Variants in EYA3 observed in about 807,000 individuals in gnomAD.
The protein encoded by EYA3 is EYA transcriptional coactivator and phosphatase 3, also known as protein phosphatase EYA3.
EYA3 carries 39 observed loss-of-function variants against 80.0 expected under a neutral mutation model. The observed-to-expected ratio is 0.49, with a 90% CI of 0.38 to 0.64. The LOEUF (loss-of-function observed/expected upper bound fraction) is 0.64, where lower values mean the gene tolerates loss of function less well. Among genes scored for constraint, EYA3 ranks in the 30% least tolerant of loss-of-function variants. The pLI is 0.00. For missense variants in EYA3, 523 were observed against 676.1 expected, an observed-to-expected ratio of 0.77 and a Z score of 2.51; for synonymous variants, 206 against 232.8, an observed-to-expected ratio of 0.88 and a Z score of 1.05.
intron 1 of EYA3, among the ~76,000 whole-genome samples, chr1:28,067,571 C>G (rs1386687717): frequency 1.3e-5 from 2 of 152,088 alleles, no homozygotes; most frequent in African/African-American, 4.8e-5. Flanking sequence ...GAGGGAAAAG[C>G]ATTTCAAATC....
intron 5 of EYA3, among the ~76,000 whole-genome samples, chr1:28,038,439 T>TAAAAAAAAAAAAAAAAAAA (rs74525723): frequency 7.3e-5 from 5 of 68,502 alleles, no homozygotes; most frequent in African/African-American, 2.3e-4. Context: ...GATTCTATCT[T>TAAAAAAAAAAAAAAAAAAA]AAAAAAAAAA....
chr1:28,061,622 T>C lies in EYA3; in HGVS notation c.-68-3528A>G, dbSNP rs180879931. On this transcript the variant is annotated intron_variant, in intron 1 of 17. Coordinates refer to ENST00000373871, the MANE Select transcript of EYA3 (RefSeq NM_001990.4). ...TTTTTTTGTCTTTTGTTTTTTGAGA[T>C]GGAGTCTCGCTCTGTCGCCCAGGCT... 1.6e-3 allele frequency among the ~76,000 whole-genome samples: 245 copies of C among 151,826 alleles called. 1 individual carries two copies. The highest frequency in any genetic ancestry group is 5.7e-3 in the African/African-American group (235 of 41,436).
intron 16 of EYA3, 114 bp from the exon 17 acceptor site, chr1:27,978,588 C>A: frequency 2.6e-6 from 2 of 764,476 alleles, no homozygotes; most frequent in East Asian, 5.2e-5. Flanking sequence ...AGTGACAGCC[C>A]ATGTAGTTTG....
intron 1 of EYA3, among the ~76,000 whole-genome samples, chr1:28,074,275 G>A (rs536682898): frequency 6.6e-6 from 1 of 152,140 alleles, no homozygotes; most frequent in East Asian, 1.9e-4. Context: ...TTAAACACTA[G>A]AGGTAGAACT....
At position 28,009,097 on chromosome 1, in the gene EYA3, G is replaced by A. The variant is rs1162094681; in HGVS notation, c.909+1850C>T. 6.6e-6 allele frequency among the ~76,000 whole-genome samples: 1 copy of A among 152,142 alleles called. No homozygotes were observed. Among genetic ancestry groups the A allele is most frequent in the East Asian group, 1.9e-4 (1 of 5,200 alleles). On this transcript the variant is annotated intron_variant, in intron 10 of 17. Transcript: ENST00000373871. This position sits in a 1 kb window ranked among gnomAD's most constrained non-coding sequence, Gnocchi z 4.8. ...AAATAGTTTGGTGGTTTCTCAAAAA[G>A]TGGAGCACAGAATTACAATAGCATC... is the stretch of plus-strand genomic sequence containing the variant.
In EYA3 at chr1:28,002,399, C is replaced by T. The variant is rs1042569598; in HGVS notation, c.993+1937G>A. Among the ~76,000 whole-genome samples, 5 of 151,460 alleles carry T rather than the reference C, an allele frequency of 3.3e-5. No homozygotes were observed. In the South Asian group the frequency reaches 8.3e-4, roughly 25 times the overall value. On this transcript the variant is annotated intron_variant, in intron 11 of 17. Coordinates refer to ENST00000373871, the MANE Select transcript of EYA3 (RefSeq NM_001990.4). ...TTGGGATTACAGATGAGAGCCACCA[C>T]GCCTGGTCTTATTTTATAAATATAT...
At chr1:27,999,726 A>G (rs1326040483) in intron 12 of EYA3, among the ~76,000 whole-genome samples, 3 of 152,132 alleles carry the variant, frequency 2.0e-5, no homozygotes, top group African/African-American at 4.8e-5. Context: ...CTCCAAATAA[A>G]CTAACAAAAA....
At chr1:28,061,984 A>T (rs983439394) in intron 1 of EYA3, among the ~76,000 whole-genome samples, 1 of 152,210 alleles carries the variant, frequency 6.6e-6, no homozygotes, top group Non-Finnish European at 1.5e-5. Context: ...ATCTTTTAAA[A>T]TATCAAGTAA....
chr1:27,985,261 AC>A (rs147778196), intron 16 of EYA3, among the ~76,000 whole-genome samples: 50,190 of 149,188 alleles, frequency 0.34, 9,085 homozygotes, highest in South Asian at 0.45. Context: ...AACAAAAAAA[AC>A]AAAAACAAAA....
intron 12 of EYA3, among the ~76,000 whole-genome samples, chr1:27,999,607 T>A (rs1017457273): frequency 1.3e-5 from 2 of 152,094 alleles, no homozygotes; most frequent in African/African-American, 4.8e-5. Flanking sequence ...GTACAAATAA[T>A]CAAACTCACT....
intron 3 of EYA3, among the ~76,000 whole-genome samples, chr1:28,044,245 G>A (rs755476691): frequency 2.6e-5 from 4 of 152,156 alleles, no homozygotes; most frequent in Non-Finnish European, 5.9e-5. Context: ...TGATTCTAGA[G>A]TCAGAGGCTG....
intron 4 of EYA3, among the ~76,000 whole-genome samples, chr1:28,039,477 C>T (rs6674937): frequency 0.24 from 35,834 of 152,108 alleles, 4,337 homozygotes; most frequent in Non-Finnish European, 0.27. Context: ...TGGCAAATCA[C>T]AGACAGACGT....
chr1:28,078,757 T>C (rs1645315051), intron 1 of EYA3, among the ~76,000 whole-genome samples: 1 of 152,150 alleles, frequency 6.6e-6, no homozygotes, highest in Non-Finnish European at 1.5e-5. Flanking sequence ...AAATAGAAGC[T>C]ATTTGTTATT....
intron 11 of EYA3, among the ~76,000 whole-genome samples, chr1:28,001,441 A>G (rs550541677): frequency 6.7e-6 from 1 of 150,118 alleles, no homozygotes; most frequent in African/African-American, 2.5e-5. Flanking sequence ...TATTATGTGT[A>G]TATGTAAATA....
chr1:28,073,035 G>A (rs1645068161), intron 1 of EYA3, among the ~76,000 whole-genome samples: 1 of 142,140 alleles, frequency 7.0e-6, no homozygotes, highest in African/African-American at 2.6e-5. Flanking sequence ...GGTTGCCAGT[G>A]TTGGGGATGG....
Position 28,084,579 on chromosome 1 carries a change from ATATATATATATATATATTTTTTTTTTTTT to A in EYA3, c.-69+3916_-69+3944del, listed in dbSNP as rs1219773163. Among the ~76,000 whole-genome samples, 20 of 12,998 alleles carry A rather than the reference ATATATATATATATATATTTTTTTTTTTTT, an allele frequency of 1.5e-3. 1 individual carries two copies. The highest frequency in any genetic ancestry group is 5.9e-3 in the African/African-American group (19 of 3,218). The allele number at this position is 12,998 out of a possible 152,430, so 8.5% of individuals were successfully genotyped here. A position where few individuals can be genotyped will look rare whatever the true frequency, so the allele number is the denominator to read the frequency against. On this transcript the variant is annotated intron_variant, in intron 1 of 17. Coordinates refer to ENST00000373871, the MANE Select transcript of EYA3 (RefSeq NM_001990.4). ...AAAATATATATATATATATATATAT[ATATATATATATATATATTTTTTTTTTTTT>A]TTTTTTTTTTTTTTTTTTTGAGATG...
intron 10 of EYA3, 78 bp downstream of exon 10, chr1:28,010,869 G>A: frequency 1.3e-6 from 2 of 1,526,250 alleles, no homozygotes; most frequent in Non-Finnish European, 8.8e-7. Context: ...TTATCTCTGT[G>A]AGCTTCAAAA....
intron 12 of EYA3, among the ~76,000 whole-genome samples, chr1:27,998,942 T>C (rs1265251027): frequency 3.3e-5 from 5 of 152,046 alleles, no homozygotes; most frequent in Non-Finnish European, 7.4e-5. Context: ...CTAATTTTTG[T>C]ATTTTTGGTA....
chr1:28,068,689 C>T (rs1644918475), intron 1 of EYA3, among the ~76,000 whole-genome samples: 1 of 152,210 alleles, frequency 6.6e-6, no homozygotes, highest in African/African-American at 2.4e-5. Flanking sequence ...TATTAACTCC[C>T]TGTACAGGCT....
Sources: allele counts gnomAD v4.1 joint callset (sites outside exome capture counted in the v4.1 genomes callset), GRCh38; gene constraint gnomAD v4.1.1; non-coding constraint Gnocchi (gnomAD v3.1); transcripts MANE v1.5; gene names NCBI Gene and HGNC (gene_info 2026-07-23, HGNC 2026-07-21).